The following ZNF721 variants were observed in gnomAD, a reference collection of about 807,000 sequenced individuals.
The protein encoded by ZNF721 is zinc finger protein 721.
Under a neutral mutation model 2.4 loss-of-function variants are expected in ZNF721, and 2 were observed. The ratio of observed to expected loss-of-function variants is 0.82; its 90% CI spans 0.34 to 2.58. The LOEUF is 2.58. ZNF721 is among the 30% of genes most tolerant of loss of function. ZNF721 has a pLI of 0.11. For synonymous variants in ZNF721, 398 were observed against 381.8 expected (o/e 1.04, Z -0.50); for missense variants, 1,187 against 1,085.5 (o/e 1.09, Z -1.31).
intron 2 of ZNF721, among the ~76,000 whole-genome samples, chr4:448,441 C>T (rs1347727720): frequency 7.1e-6 from 1 of 141,330 alleles, no homozygotes; most frequent in South Asian, 2.3e-4. Flanking sequence ...GTATCCCCCC[C>T]CAAAAAAAAA....
chr4:446,981 T>G (rs1553864273), intron 2 of ZNF721, among the ~76,000 whole-genome samples: 1 of 152,140 alleles, frequency 6.6e-6, no homozygotes, highest in African/African-American at 2.4e-5. Flanking sequence ...TCACCGCGCC[T>G]GGCTGAGGAA....
At chr4:492,674 G>T (rs1576974810) in intron 1 of ZNF721, among the ~76,000 whole-genome samples, 1 of 146,646 alleles carries the variant, frequency 6.8e-6, no homozygotes, top group Admixed American at 6.8e-5. Context: ...GACATGTTTG[G>T]ATTTTCTGGT....
chr4:455,341 G>A (rs1440514250), intron 2 of ZNF721, among the ~76,000 whole-genome samples: 5 of 152,176 alleles, frequency 3.3e-5, no homozygotes, highest in South Asian at 4.1e-4. Flanking sequence ...GCCGAGGCGG[G>A]CGGATCAGCT....
Position 472,701 on chromosome 4 carries a change from C to A in ZNF721, c.-93G>T, listed in dbSNP as rs782490545. 6.2e-7 allele frequency: 1 copy of A among 1,611,640 alleles called. No individual in the cohort carries two copies. The highest frequency in any genetic ancestry group is 8.5e-7 in the Non-Finnish European group (1 of 1,179,548). On this transcript the variant is annotated splice_region_variant and 5_prime_UTR_variant, in exon 2 of 3. Coordinates refer to ENST00000511833, the MANE Select transcript of ZNF721 (RefSeq NM_133474.4). ...GCCACATCCCTGAATGTTAAGGGTTCCTGAAAATACATATGTATCAAGTGA... is the reference window on the plus strand; with the variant it reads ...GCCACATCCCTGAATGTTAAGGGTTACTGAAAATACATATGTATCAAGTGA...
At chr4:489,603 A>G (rs1228810565) in intron 1 of ZNF721, among the ~76,000 whole-genome samples, 1 of 152,156 alleles carries the variant, frequency 6.6e-6, no homozygotes, top group East Asian at 1.9e-4. Flanking sequence ...AAAAGTTGGT[A>G]GAGAGGCTGT....
At chr4:451,782 G>C (rs957535171) in intron 2 of ZNF721, among the ~76,000 whole-genome samples, 1 of 152,182 alleles carries the variant, frequency 6.6e-6, no homozygotes, top group African/African-American at 2.4e-5. Flanking sequence ...AAGCGAAAAC[G>C]TGCCATTTTT....
At chr4:457,737 A>G (rs188170735) in intron 2 of ZNF721, among the ~76,000 whole-genome samples, 1 of 152,226 alleles carries the variant, frequency 6.6e-6, no homozygotes, top group East Asian at 1.9e-4. Context: ...TGGCACTATA[A>G]CCTGATTCCA....
Position 444,221 on chromosome 4 carries a change from T to C in ZNF721, c.246A>G (p.Gln82=), listed in dbSNP as rs375285496. 7.4e-5 allele frequency: 120 copies of C among 1,613,546 alleles called. No homozygotes were observed. Among genetic ancestry groups the C allele is most frequent in the Non-Finnish European group, 8.6e-5 (102 of 1,179,714 alleles). ...CLSNTQSKIF[Q]CNARVKVFSK... ...TAAAAACTTTGACACGTGCATTACA[T>C]TGAAATATTTTGCTCTGAGTATTTG... is the stretch of plus-strand genomic sequence containing the variant. Residue 82 remains glutamine, a synonymous_variant, in exon 3 of 3, where the codon CAA becomes CAG. Coordinates refer to ENST00000511833, the MANE Select transcript of ZNF721 (RefSeq NM_133474.4).
At chr4:474,892 A>G (rs938479125) in intron 1 of ZNF721, among the ~76,000 whole-genome samples, 1 of 151,594 alleles carries the variant, frequency 6.6e-6, no homozygotes. Flanking sequence ...TAAACAAATA[A>G]ATGAATAAAA....
chr4:445,066 G>A (rs1714429351), intron 2 of ZNF721, among the ~76,000 whole-genome samples: 1 of 144,540 alleles, frequency 6.9e-6, no homozygotes, highest in Non-Finnish European at 1.5e-5. Context: ...CTCACTGCAA[G>A]CTCCACCTCC....
chr4:487,656 TTTC>T (rs1200602301), intron 1 of ZNF721, among the ~76,000 whole-genome samples: 2 of 152,198 alleles, frequency 1.3e-5, no homozygotes, highest in Admixed American at 6.5e-5. Flanking sequence ...AAGTATTGAT[TTTC>T]TTTTTTCCTT....
chr4:470,481 A>T (rs910930866), intron 2 of ZNF721, among the ~76,000 whole-genome samples: 3 of 152,160 alleles, frequency 2.0e-5, no homozygotes, highest in African/African-American at 7.2e-5. Flanking sequence ...TGGGAGAACA[A>T]GGCGGGAGGA....
At chr4:459,258 C>T (rs1446644428) in intron 2 of ZNF721, among the ~76,000 whole-genome samples, 2 of 152,122 alleles carry the variant, frequency 1.3e-5, no homozygotes, top group Admixed American at 1.3e-4. Flanking sequence ...GGCAAAATAA[C>T]CAGCTAGCAT....
At chr4:444,505 T>G in intron 2 of ZNF721, 73 bp from the exon 3 acceptor site, 1 of 1,391,284 alleles carries the variant, frequency 7.2e-7, no homozygotes, top group Admixed American at 2.5e-5. Context: ...ATCATAAGAT[T>G]ATACAAAGTA....
At chr4:448,935 C>G (rs1427285327) in intron 2 of ZNF721, among the ~76,000 whole-genome samples, 2 of 151,700 alleles carry the variant, frequency 1.3e-5, no homozygotes, top group Admixed American at 1.3e-4. Context: ...AAATTAAGTA[C>G]AGTAAAGATA....
At chr4:451,225 AAAC>A (rs1346680399) in intron 2 of ZNF721, among the ~76,000 whole-genome samples, 1 of 152,140 alleles carries the variant, frequency 6.6e-6, no homozygotes, top group Non-Finnish European at 1.5e-5. Context: ...ACATGGACAC[AAAC>A]AATGGTCACC....
rs374184066 is a variant in ZNF721, at chr4:443,353, G to C, written c.1114C>G (p.Arg372Gly). Residue 372 changes from arginine (R) to glycine (G), a missense_variant, in exon 3 of 3, where the codon CGG becomes GGG. Arg to Gly is a moderately radical substitution (Grantham distance 125). Coordinates refer to ENST00000511833, the MANE Select transcript of ZNF721 (RefSeq NM_133474.4). ...KCEDCGKAFG[R>G]YTALNQHKKI... The stretch of plus-strand genomic sequence containing the variant: ...TTGTGTTGATTCAGGGCTGTGTACC[G>C]TCCAAAGGCTTTGCCACAGTCTTCG... 1.2e-6 allele frequency: 2 copies of C among 1,613,660 alleles called. No individual in the cohort carries two copies. Among genetic ancestry groups the C allele is most frequent in the Non-Finnish European group, 8.5e-7 (1 of 1,179,896 alleles).
chr4:477,905 C>T (rs1439444460), intron 1 of ZNF721, among the ~76,000 whole-genome samples: 2 of 152,128 alleles, frequency 1.3e-5, no homozygotes, highest in African/African-American at 2.4e-5. Context: ...GGAACCCATG[C>T]ATGTATGTCA....
intron 2 of ZNF721, chr4:453,759 T>C (rs782503941): frequency 4.6e-5 from 7 of 152,220 alleles, no homozygotes; most frequent in Non-Finnish European, 1.0e-4. Context: ...TGAATGGCTA[T>C]GTCACTATCA....
Sources: gnomAD v4.1 joint callset for allele counts (sites outside exome capture counted in the v4.1 genomes callset) on GRCh38, gnomAD v4.1.1 for gene constraint, MANE v1.5 for transcripts, NCBI Gene and HGNC (gene_info 2026-07-23, HGNC 2026-07-21) for gene names.